FBXL17: variants seen among roughly 807,000 people sequenced by gnomAD.
The protein encoded by FBXL17 is F-box/LRR-repeat protein 17.
FBXL17 carries 22 observed loss-of-function variants against 66.2 expected under a neutral mutation model. The ratio of observed to expected loss-of-function variants is 0.33; its 90% CI spans 0.24 to 0.47. The LOEUF (loss-of-function observed/expected upper bound fraction) is 0.47, where lower values mean the gene tolerates loss of function less well. Ranked by LOEUF, FBXL17 falls within the 20% of genes least tolerant of loss-of-function variation. The pLI is 1.00. For missense variants in FBXL17, 878 were observed against 948.2 expected, an observed-to-expected ratio of 0.93 and a Z score of 0.97; for synonymous variants, 474 against 400.5, an observed-to-expected ratio of 1.18 and a Z score of -2.19.
intron 6 of FBXL17, among the ~76,000 whole-genome samples, chr5:108,082,183 G>A (rs548281967): frequency 6.6e-6 from 1 of 151,564 alleles, no homozygotes; most frequent in South Asian, 2.1e-4. Flanking sequence ...AAATAAGAAG[G>A]ATTATTACAG....
intron 7 of FBXL17, among the ~76,000 whole-genome samples, chr5:107,966,293 T>C (rs2112638726): frequency 6.6e-6 from 1 of 152,164 alleles, no homozygotes; most frequent in Middle Eastern, 3.4e-3. Context: ...GGCTGGGATA[T>C]TACATTTAGT....
At chr5:107,916,379 G>C (rs972128356) in intron 7 of FBXL17, among the ~76,000 whole-genome samples, 1 of 152,112 alleles carries the variant, frequency 6.6e-6, no homozygotes, top group Non-Finnish European at 1.5e-5. Flanking sequence ...CTTGAGCATG[G>C]GGGTAGGGGA....
At chr5:108,222,280 C>T (rs1580642973) in intron 5 of FBXL17, among the ~76,000 whole-genome samples, 1 of 152,110 alleles carries the variant, frequency 6.6e-6, no homozygotes, top group East Asian at 1.9e-4. Flanking sequence ...TCATAAAAAG[C>T]CCACATATGG....
chr5:108,015,881 C>T (rs1243026419), intron 7 of FBXL17, among the ~76,000 whole-genome samples: 1 of 152,070 alleles, frequency 6.6e-6, no homozygotes, highest in East Asian at 1.9e-4. Context: ...AATAATGTCA[C>T]CAGGCCACTC....
At chr5:107,987,124 C>T (rs998273884) in intron 7 of FBXL17, among the ~76,000 whole-genome samples, 2 of 151,900 alleles carry the variant, frequency 1.3e-5, no homozygotes, top group Non-Finnish European at 2.9e-5. Context: ...TAGGAAAACA[C>T]AAGAGAGGGA....
chr5:107,982,713 A>G (rs1310289928), intron 7 of FBXL17, among the ~76,000 whole-genome samples: 1 of 152,242 alleles, frequency 6.6e-6, no homozygotes, highest in Non-Finnish European at 1.5e-5. Flanking sequence ...TCTTCATGTC[A>G]TATTTAATAG....
intron 6 of FBXL17, among the ~76,000 whole-genome samples, chr5:108,035,066 T>C (rs1024975): frequency 0.35 from 53,561 of 152,020 alleles, 10,131 homozygotes; most frequent in Admixed American, 0.43. Flanking sequence ...GACTCCAAAT[T>C]ACTCAATTGT....
rs535919602 is a variant in FBXL17, at chr5:108,374,594, T to G, written c.993+6105A>C. Among the ~76,000 whole-genome samples the G allele has an allele frequency of 7.9e-5, 12 of 152,158 alleles. No homozygotes were observed. The South Asian group carries it at 2.5e-3, about 32-fold the overall frequency. ...GAGAGGCTGAGGTGGGAGGATTGCT[T>G]GAGCCCAGAAGGCAGAAGTTGCAGT... On this transcript the variant is annotated intron_variant, in intron 1 of 8. Coordinates refer to ENST00000542267, the MANE Select transcript of FBXL17 (RefSeq NM_001163315.3).
chr5:107,962,885 T>C lies in FBXL17; in HGVS notation c.1822+58040A>G, dbSNP rs886669160. On this transcript the variant is annotated intron_variant, in intron 7 of 8. Coordinates refer to ENST00000542267, the MANE Select transcript of FBXL17 (RefSeq NM_001163315.3). ...CCAAATTTGGCAAAAGTATAAGGTT[T>C]GATAGAGAAGACAGTTATTTTATAC... 5.5e-4 allele frequency among the ~76,000 whole-genome samples: 84 copies of C among 152,210 alleles called. 2 individuals are homozygous for C. Among genetic ancestry groups the C allele is most frequent in the Admixed American group, 5.4e-3 (82 of 15,272 alleles).
At chr5:107,973,510 C>T (rs1367093813) in intron 7 of FBXL17, among the ~76,000 whole-genome samples, 1 of 151,982 alleles carries the variant, frequency 6.6e-6, no homozygotes, top group Non-Finnish European at 1.5e-5. Flanking sequence ...TGCTAACTGT[C>T]ATACCTGCGC....
chr5:108,125,458 A>T (rs1338348492), intron 6 of FBXL17, among the ~76,000 whole-genome samples: 1 of 152,092 alleles, frequency 6.6e-6, no homozygotes, highest in East Asian at 1.9e-4. Flanking sequence ...CACGATCAAA[A>T]CTGAACAAAA....
intron 7 of FBXL17, among the ~76,000 whole-genome samples, chr5:107,963,841 C>T (rs1206668620): frequency 1.3e-5 from 2 of 152,182 alleles, no homozygotes; most frequent in East Asian, 3.9e-4. Flanking sequence ...TTTGAAAACT[C>T]ACTCTAGGCT....
intron 4 of FBXL17, among the ~76,000 whole-genome samples, chr5:108,320,358 C>T (rs955312847): frequency 6.6e-6 from 1 of 151,386 alleles, no homozygotes; most frequent in Admixed American, 6.6e-5. Flanking sequence ...GGATTTTAAC[C>T]CACCAGACAA....
chr5:107,969,520 T>G (rs1561344743), intron 7 of FBXL17, among the ~76,000 whole-genome samples: 2 of 152,168 alleles, frequency 1.3e-5, no homozygotes. Context: ...CCCAAAATTA[T>G]TCACTGGCAG....
intron 7 of FBXL17, among the ~76,000 whole-genome samples, chr5:107,968,481 C>T (rs1351212183): frequency 6.6e-6 from 1 of 152,240 alleles, no homozygotes; most frequent in East Asian, 1.9e-4. Flanking sequence ...AGAGTAGACA[C>T]ATCTGTTACT....
intron 8 of FBXL17, among the ~76,000 whole-genome samples, chr5:107,874,786 T>C (rs1486399722): frequency 6.6e-6 from 1 of 152,232 alleles, no homozygotes; most frequent in Non-Finnish European, 1.5e-5. Context: ...CTGATGTGTT[T>C]TTCCCTGTTT....
chr5:108,049,979 A>G (rs1203222551), intron 6 of FBXL17, among the ~76,000 whole-genome samples: 3 of 152,192 alleles, frequency 2.0e-5, no homozygotes, highest in African/African-American at 7.2e-5. Flanking sequence ...CAAAGATCAA[A>G]TAAGACAAAG....
chr5:107,937,795 T>C (rs1444173281), intron 7 of FBXL17, among the ~76,000 whole-genome samples: 1 of 152,120 alleles, frequency 6.6e-6, no homozygotes, highest in Non-Finnish European at 1.5e-5. Context: ...ACTGGCAATA[T>C]TGAGATTACA....
At chr5:108,011,694 C>T (rs288184) in intron 7 of FBXL17, among the ~76,000 whole-genome samples, 19,714 of 152,088 alleles carry the variant, frequency 0.13, 1,472 homozygotes, top group South Asian at 0.24. Flanking sequence ...CATGGTGGTA[C>T]GTGCCTGTAA....
Sources: allele counts gnomAD v4.1 joint callset (sites outside exome capture counted in the v4.1 genomes callset), GRCh38; gene constraint gnomAD v4.1.1; transcripts MANE v1.5; gene names NCBI Gene and HGNC (gene_info 2026-07-23, HGNC 2026-07-21).